ZNF277: variants seen among roughly 807,000 people sequenced by gnomAD.
ZNF277 encodes the protein nuclear receptor-interacting factor 4.
A neutral mutation model predicts 60.7 loss-of-function variants in ZNF277; 55 were observed. That is an observed-to-expected ratio of 0.91 (90% CI 0.73 to 1.13). The LOEUF (loss-of-function observed/expected upper bound fraction) is 1.13. Among genes scored for constraint, ZNF277 ranks in the 50% most tolerant of loss-of-function variants. ZNF277 has a pLI of 0.00. For synonymous variants in ZNF277, 178 were observed against 179.3 expected (o/e 0.99, Z 0.06); for missense variants, 510 against 523.0 (o/e 0.98, Z 0.24).
chr7:112,267,242 C>T (rs1791569300), intron 1 of ZNF277, among the ~76,000 whole-genome samples: 1 of 152,020 alleles, frequency 6.6e-6, no homozygotes, highest in Non-Finnish European at 1.5e-5. Flanking sequence ...ATTATTGTTC[C>T]CTTAGCTTAT....
chr7:112,342,637 G>C lies in ZNF277; in HGVS notation c.1261G>C (p.Glu421Gln). 6.2e-7 allele frequency: 1 copy of C among 1,612,888 alleles called. No homozygotes were observed. The highest frequency in any genetic ancestry group is 1.1e-5 in the South Asian group (1 of 91,020). Residue 421 changes from glutamate to glutamine, a missense_variant, in exon 12 of 12, where the codon GAA becomes CAA. Physicochemically the swap from Glu to Gln is conservative, Grantham distance 29 (BLOSUM62 2). Transcript: ENST00000361822. ...CAGTGAAAGTGACCTGACAGCTCAG[G>C]AACAAAATGAAAATGTTCCCATCAT... The part of the protein sequence containing the change: ...SDSESDLTAQ[E>Q]QNENVPIISE...
Position 112,318,236 on chromosome 7 carries a change from G to A in ZNF277, c.520G>A (p.Val174Ile), listed in dbSNP as rs34571830. Residue 174 changes from valine (V) to isoleucine (I), a missense_variant, in exon 5 of 12, where the codon GTT (valine) becomes ATT (isoleucine). Physicochemically the swap from Val to Ile is conservative, Grantham distance 29. Transcript: ENST00000361822. ...ACGAAATGATACCAATTTTCATGGC[G>A]TTTGTATGTTTTGCAATGAAGAATT... Reference protein sequence around the residue: ...QERNDTNFHGVCMFCNEEFLG... With the variant: ...QERNDTNFHGICMFCNEEFLG... 1,899 of 1,613,360 alleles carry A rather than the reference G, an allele frequency of 1.2e-3. 24 individuals carry two copies. In the African/African-American group the frequency reaches 0.022, roughly 19 times the overall value.
At chr7:112,311,823 C>G (rs1290757107) in intron 4 of ZNF277, among the ~76,000 whole-genome samples, 1 of 152,134 alleles carries the variant, frequency 6.6e-6, no homozygotes, top group African/African-American at 2.4e-5. Context: ...ACTCAGTTTT[C>G]TCCCTGATCA....
intron 1 of ZNF277, among the ~76,000 whole-genome samples, chr7:112,235,869 T>C (rs1023356845): frequency 2.6e-5 from 4 of 152,072 alleles, no homozygotes; most frequent in Non-Finnish European, 4.4e-5. Flanking sequence ...GTCATTAATA[T>C]TGACCCCTGT....
intron 4 of ZNF277, among the ~76,000 whole-genome samples, chr7:112,306,947 C>T (rs57214357): frequency 0.051 from 7,805 of 151,984 alleles, 289 homozygotes; most frequent in Admixed American, 0.12. Flanking sequence ...ACTCAGATAC[C>T]GTTGAGAAGA....
chr7:112,327,909 G>A, intron 6 of ZNF277, 82 bp downstream of exon 6: 3 of 923,408 alleles, frequency 3.2e-6, no homozygotes, highest in Non-Finnish European at 4.7e-6. Context: ...TAATTTAATA[G>A]AGTAATTAAA....
intron 1 of ZNF277, among the ~76,000 whole-genome samples, chr7:112,283,415 C>G (rs529439157): frequency 6.6e-6 from 1 of 152,062 alleles, no homozygotes; most frequent in Non-Finnish European, 1.5e-5. Context: ...CCCAGCTACT[C>G]GGAAGGCTGA....
At chr7:112,325,820 T>C (rs1235741653) in intron 5 of ZNF277, among the ~76,000 whole-genome samples, 3 of 152,192 alleles carry the variant, frequency 2.0e-5, no homozygotes, top group African/African-American at 4.8e-5. Context: ...CCTATAAGCC[T>C]GGAAACAAGT....
chr7:112,281,837 TA>T (rs1273232600), intron 1 of ZNF277, among the ~76,000 whole-genome samples: 1 of 152,226 alleles, frequency 6.6e-6, no homozygotes, highest in East Asian at 1.9e-4. Context: ...TATTTTTATT[TA>T]TTTTTTTCTT....
intron 1 of ZNF277, among the ~76,000 whole-genome samples, chr7:112,219,200 A>C (rs1315590167): frequency 6.6e-6 from 1 of 152,158 alleles, no homozygotes. Context: ...CATTTCTCTA[A>C]TGATTAGTGA....
intron 1 of ZNF277, 60 bp downstream of exon 1, chr7:112,206,867 G>T (rs1821501797): frequency 1.3e-6 from 2 of 1,542,160 alleles, no homozygotes; most frequent in Non-Finnish European, 8.9e-7. Flanking sequence ...GACCGGGTGT[G>T]CAACGGACCT....
At chr7:112,263,722 G>A (rs746017778) in intron 1 of ZNF277, among the ~76,000 whole-genome samples, 1 of 152,210 alleles carries the variant, frequency 6.6e-6, no homozygotes, top group African/African-American at 2.4e-5. Context: ...TGTCTCAGTT[G>A]TAAGTAGATA....
At chr7:112,326,355 C>A (rs562710316) in intron 5 of ZNF277, among the ~76,000 whole-genome samples, 2 of 151,312 alleles carry the variant, frequency 1.3e-5, no homozygotes, top group Non-Finnish European at 2.9e-5. Context: ...TTACCCTCTG[C>A]CTGACACCCT....
chr7:112,272,680 G>A (rs1791699526), intron 1 of ZNF277, among the ~76,000 whole-genome samples: 1 of 152,090 alleles, frequency 6.6e-6, no homozygotes, highest in Non-Finnish European at 1.5e-5. Flanking sequence ...TTTTAGTAGT[G>A]ACGGGGTTTC....
chr7:112,285,123 G>A (rs1174953283), intron 1 of ZNF277, among the ~76,000 whole-genome samples: 1 of 151,882 alleles, frequency 6.6e-6, no homozygotes, highest in East Asian at 1.9e-4. Flanking sequence ...TCCACCACCT[G>A]GGTTCAAGCA....
At chr7:112,311,002 G>C (rs1015805601) in intron 4 of ZNF277, among the ~76,000 whole-genome samples, 4 of 152,066 alleles carry the variant, frequency 2.6e-5, no homozygotes, top group Non-Finnish European at 5.9e-5. Flanking sequence ...GTTAATCCAG[G>C]TTATTTCCAT....
chr7:112,238,773 C>G (rs1238975010), intron 1 of ZNF277, among the ~76,000 whole-genome samples: 1 of 151,800 alleles, frequency 6.6e-6, no homozygotes, highest in Non-Finnish European at 1.5e-5. Context: ...CAGGCCCTGG[C>G]TCCTGGATGA....
At chr7:112,212,041 A>T (rs1335756124) in intron 1 of ZNF277, among the ~76,000 whole-genome samples, 1 of 152,278 alleles carries the variant, frequency 6.6e-6, no homozygotes, top group Admixed American at 6.5e-5. Context: ...TGTGAAAGGT[A>T]TGCATACCAA....
intron 3 of ZNF277, 25 bp from the exon 4 acceptor site, chr7:112,296,204 A>T: frequency 6.8e-7 from 1 of 1,472,306 alleles, no homozygotes; most frequent in Non-Finnish European, 9.4e-7. Flanking sequence ...CTGTTTTCTT[A>T]TTTGTTTTCC....
Sources: allele counts gnomAD v4.1 joint callset (sites outside exome capture counted in the v4.1 genomes callset), GRCh38; gene constraint gnomAD v4.1.1; transcripts MANE v1.5; gene names NCBI Gene and HGNC (gene_info 2026-07-23, HGNC 2026-07-21).